The following SPAG16 variants were observed in gnomAD, a reference collection of about 807,000 sequenced individuals.
SPAG16 encodes sperm-associated antigen 16 protein.
Under a neutral mutation model 80.4 loss-of-function variants are expected in SPAG16, and 86 were observed. That is an observed-to-expected ratio of 1.07 (90% CI 0.90 to 1.28). The LOEUF (loss-of-function observed/expected upper bound fraction) is 1.28. SPAG16 is among the 50% of genes most tolerant of loss of function. The probability of loss-of-function intolerance (pLI) is 0.00; values close to 1 mark genes in which losing one functional copy is unlikely to be tolerated. For synonymous variants in SPAG16, 294 were observed against 265.9 expected (o/e 1.11, Z -1.03); for missense variants, 870 against 765.3 (o/e 1.14, Z -1.61).
At chr2:214,028,287 C>T (rs2048236548) in intron 13 of SPAG16, among the ~76,000 whole-genome samples, 1 of 151,964 alleles carries the variant, frequency 6.6e-6, no homozygotes, top group African/African-American at 2.4e-5. Flanking sequence ...TAGATAGGCT[C>T]ATAGAGTTTG....
intron 10 of SPAG16, among the ~76,000 whole-genome samples, chr2:213,771,864 G>T (rs766955625): frequency 9.2e-5 from 14 of 152,122 alleles, no homozygotes; most frequent in Non-Finnish European, 2.1e-4. Flanking sequence ...TTGTAATATA[G>T]TTTGAAGTCA....
chr2:214,177,402 G>T (rs965483106), intron 15 of SPAG16, among the ~76,000 whole-genome samples: 1 of 150,770 alleles, frequency 6.6e-6, no homozygotes, highest in Non-Finnish European at 1.5e-5. Context: ...ATTCTTAATG[G>T]GACCTATGGT....
intron 10 of SPAG16, among the ~76,000 whole-genome samples, chr2:213,768,820 G>A (rs1029422920): frequency 6.6e-6 from 1 of 152,154 alleles, no homozygotes; most frequent in African/African-American, 2.4e-5. Flanking sequence ...ATGTGGCCAT[G>A]CTGGACAAGT....
At chr2:213,879,746 A>C (rs2076275513) in intron 11 of SPAG16, among the ~76,000 whole-genome samples, 1 of 151,932 alleles carries the variant, frequency 6.6e-6, no homozygotes, top group Non-Finnish European at 1.5e-5. Flanking sequence ...TTGGTTTTCC[A>C]TTCTTGCATT....
intron 5 of SPAG16, among the ~76,000 whole-genome samples, chr2:213,325,246 T>C (rs978985167): frequency 5.9e-5 from 9 of 151,328 alleles, no homozygotes; most frequent in Admixed American, 2.7e-4. Flanking sequence ...GCATATCTTA[T>C]CTTTTTTATG....
intron 15 of SPAG16, among the ~76,000 whole-genome samples, chr2:214,400,659 C>G (rs572614581): frequency 6.6e-6 from 1 of 152,112 alleles, no homozygotes; most frequent in African/African-American, 2.4e-5. Flanking sequence ...ACTTCTAAAA[C>G]AGACTCTGTG....
chr2:213,715,442 A>G (rs569192925), intron 10 of SPAG16, among the ~76,000 whole-genome samples: 2 of 152,298 alleles, frequency 1.3e-5, no homozygotes, highest in Admixed American at 1.3e-4. Flanking sequence ...GCTTACCACC[A>G]TGAACTGTAA....
At chr2:214,178,106 A>T (rs2057187191) in intron 15 of SPAG16, among the ~76,000 whole-genome samples, 1 of 148,266 alleles carries the variant, frequency 6.7e-6, no homozygotes, top group Non-Finnish European at 1.5e-5. Context: ...GAGAGGAAAT[A>T]TAGGTACTTA....
chr2:213,722,835 T>A (rs1402018267), intron 10 of SPAG16, among the ~76,000 whole-genome samples: 2 of 151,840 alleles, frequency 1.3e-5, no homozygotes. Flanking sequence ...GAAAAAAAAA[T>A]AGGTGCCCAG....
At chr2:213,644,303 T>C (rs1028095300) in intron 10 of SPAG16, among the ~76,000 whole-genome samples, 2 of 152,134 alleles carry the variant, frequency 1.3e-5, no homozygotes, top group Non-Finnish European at 2.9e-5. Context: ...TTGAATTCTC[T>C]GTCTGAAATG....
intron 8 of SPAG16, among the ~76,000 whole-genome samples, chr2:213,369,785 TCCATATACCACCTGCCCCCAC>T (rs997736108): frequency 3.3e-5 from 5 of 152,074 alleles, no homozygotes; most frequent in Non-Finnish European, 7.4e-5. Context: ...ACAGTGATTT[TCCATATACCACCTGCCCCCAC>T]CCATATACCA....
rs999748364 is a variant in SPAG16, at chr2:213,581,555, T to G, written c.1070+91465T>G. ...CTAAATGTTCTTCAGAAAACCACCC[T>G]TGATAGCCATGAATTGTTGCTCTCA... On this transcript the variant is annotated intron_variant, in intron 10 of 15. Coordinates refer to ENST00000331683, the MANE Select transcript of SPAG16 (RefSeq NM_024532.5). Among the ~76,000 whole-genome samples, 9 of 152,084 alleles carry G rather than the reference T, an allele frequency of 5.9e-5. 1 individual carries two copies. The highest frequency in any genetic ancestry group is 2.2e-4 in the African/African-American group (9 of 41,420).
chr2:213,939,233 A>G (rs1264440385), intron 12 of SPAG16, among the ~76,000 whole-genome samples: 2 of 152,314 alleles, frequency 1.3e-5, no homozygotes, highest in South Asian at 2.1e-4. Flanking sequence ...ATATTTACCA[A>G]CTATGTACCA....
At chr2:213,475,648 G>A (rs2073331374) in intron 9 of SPAG16, among the ~76,000 whole-genome samples, 1 of 152,082 alleles carries the variant, frequency 6.6e-6, no homozygotes, top group Non-Finnish European at 1.5e-5. Flanking sequence ...TAGTTGGCAG[G>A]GATAGTCATG....
rs561365962 is a variant in SPAG16, at chr2:213,622,770, G to T, written c.1070+132680G>T. 3.3e-5 allele frequency among the ~76,000 whole-genome samples: 5 copies of T among 152,224 alleles called. No individual in the cohort carries two copies. The South Asian group carries it at 6.2e-4, about 19-fold the overall frequency. ...AAACTTAGCAATATATTTTATAGAA[G>T]AATAACTTTTTGGTAGAAAAAATTA... On this transcript the variant is annotated intron_variant, in intron 10 of 15. Transcript: ENST00000331683.
chr2:213,959,411 C>A (rs1387443236), intron 12 of SPAG16, among the ~76,000 whole-genome samples: 2 of 152,200 alleles, frequency 1.3e-5, no homozygotes, highest in Non-Finnish European at 2.9e-5. Context: ...CTAGTTAAAA[C>A]TTCCTTTCCC....
At chr2:214,102,553 G>A (rs1367061280) in intron 13 of SPAG16, among the ~76,000 whole-genome samples, 2 of 152,010 alleles carry the variant, frequency 1.3e-5, no homozygotes, top group Non-Finnish European at 2.9e-5. Context: ...GGCCTTCTGC[G>A]TATAGCCTGC....
chr2:213,932,950 A>G (rs1217090210), intron 12 of SPAG16, among the ~76,000 whole-genome samples: 1 of 6,468 alleles, frequency 1.5e-4, no homozygotes, highest in Non-Finnish European at 4.0e-4. Flanking sequence ...TTGTTTGAAA[A>G]CACACACACA....
intron 10 of SPAG16, among the ~76,000 whole-genome samples, chr2:213,824,234 G>T (rs960646838): frequency 3.9e-5 from 6 of 152,104 alleles, no homozygotes; most frequent in African/African-American, 1.2e-4. Flanking sequence ...GATGTGTGGT[G>T]TTATTTCTGA....
Sources: allele counts gnomAD v4.1 joint callset (sites outside exome capture counted in the v4.1 genomes callset), GRCh38; gene constraint gnomAD v4.1.1; transcripts MANE v1.5; gene names NCBI Gene and HGNC (gene_info 2026-07-23, HGNC 2026-07-21).